Variants in BRIP1 observed in about 807,000 individuals in gnomAD.
The protein encoded by BRIP1 is BRCA1 interacting DNA helicase 1, also known as Fanconi anemia group J protein.
BRIP1 carries 88 observed loss-of-function variants against 119.7 expected under a neutral mutation model. That is an observed-to-expected ratio of 0.74 (90% CI 0.62 to 0.88). BRIP1 has a LOEUF of 0.88. BRIP1 is among the 40% of genes least tolerant of loss of function. The pLI, the probability that BRIP1 is intolerant of heterozygous loss-of-function variation, is 0.00. For synonymous variants in BRIP1, 443 were observed against 496.5 expected (o/e 0.89, Z 1.43); for missense variants, 1,259 against 1,455.4 (o/e 0.87, Z 2.20).
intron 8 of BRIP1, among the ~76,000 whole-genome samples, chr17:61,800,426 GA>G (rs1352786982): frequency 6.6e-6 from 1 of 152,108 alleles, no homozygotes; most frequent in Non-Finnish European, 1.5e-5. Flanking sequence ...CAAAAGCAAA[GA>G]TAGAGTAAAG....
In BRIP1 at chr17:61,756,243, T is replaced by C. The variant is rs2077199112; in HGVS notation, c.2098-11652A>G. Among the ~76,000 whole-genome samples, 1 of 152,118 alleles carries C rather than the reference T, an allele frequency of 6.6e-6. No individual in the cohort carries two copies. Among genetic ancestry groups the C allele is most frequent in the African/African-American group, 2.4e-5 (1 of 41,426 alleles). ...AACTATTTCTGTCTTGCCAGAGAAATCACATAAATAAACACAAAAATAACT... is the reference window on the plus strand; with the variant it reads ...AACTATTTCTGTCTTGCCAGAGAAACCACATAAATAAACACAAAAATAACT... On this transcript the variant is annotated intron_variant, in intron 14 of 19. Transcript: ENST00000259008. This position sits in a 1 kb window ranked among gnomAD's most constrained non-coding sequence, Gnocchi z 4.3.
rs1206069873 is a variant in BRIP1, at chr17:61,798,338, CA to C, written c.1340+761del. On this transcript the variant is annotated intron_variant, in intron 9 of 19. Transcript: ENST00000259008. This position sits in a 1 kb window ranked among gnomAD's most constrained non-coding sequence, Gnocchi z 5.5. ...CCATCATTTGGAAAATAGTGAGGGA[CA>C]AGAAAATATATCTAATATTGGTTCA... Among the ~76,000 whole-genome samples, 1 of 151,590 alleles carries C rather than the reference CA, an allele frequency of 6.6e-6. No individual in the cohort carries two copies. The highest frequency in any genetic ancestry group is 1.5e-5 in the Non-Finnish European group (1 of 67,834).
intron 6 of BRIP1, among the ~76,000 whole-genome samples, chr17:61,826,266 A>C (rs925194342): frequency 5.3e-5 from 8 of 152,204 alleles, no homozygotes; most frequent in African/African-American, 1.9e-4. Flanking sequence ...TAAAGACTTA[A>C]ATGTAAAACA....
At chr17:61,702,962 AG>A (rs2061636894) in intron 17 of BRIP1, among the ~76,000 whole-genome samples, 1 of 143,006 alleles carries the variant, frequency 7.0e-6, no homozygotes, top group South Asian at 2.2e-4. Flanking sequence ...TAACCTTGCG[AG>A]CATCTGTTCT....
chr17:61,786,992 TTA>T (rs1476206593), intron 10 of BRIP1, among the ~76,000 whole-genome samples: 2 of 116,334 alleles, frequency 1.7e-5, no homozygotes, highest in Non-Finnish European at 3.2e-5. Context: ...TTATATAAAT[TTA>T]TAAATAATTT....
chr17:61,715,113 T>G (rs1182415412), intron 17 of BRIP1, among the ~76,000 whole-genome samples: 1 of 151,594 alleles, frequency 6.6e-6, no homozygotes, highest in Admixed American at 6.6e-5. Context: ...GGCAGGAGAA[T>G]TGCTTGAACC....
At position 61,861,652 on chromosome 17, in the gene BRIP1, A is replaced by G; in HGVS notation, c.-30-83T>C. The G allele has an allele frequency of 1.3e-6, 1 of 752,764 alleles. No homozygotes were observed. The highest frequency in any genetic ancestry group is 1.5e-5 in the South Asian group (1 of 66,670). The allele number at this position is 752,764 out of a possible 1,614,324, so 46.6% of individuals were successfully genotyped here. A position where few individuals can be genotyped will look rare whatever the true frequency, so the allele number is the denominator to read the frequency against. On this transcript the variant is annotated intron_variant, in intron 1 of 19. Coordinates refer to ENST00000259008, the MANE Select transcript of BRIP1 (RefSeq NM_032043.3). The surrounding 1 kb of genome is among the most constrained non-coding windows in gnomAD (Gnocchi z 4.5). ...AACCAAAACTAAGGGAGAAATCTGG[A>G]AACAGAAACTGGAATTAATAAAAGT...
chr17:61,777,483 CT>C (rs773353898), intron 13 of BRIP1, among the ~76,000 whole-genome samples: 3 of 152,106 alleles, frequency 2.0e-5, no homozygotes, highest in Non-Finnish European at 4.4e-5. Context: ...AAGACTGCCC[CT>C]GATTTCTGTG....
intron 8 of BRIP1, 125 bp downstream of exon 8, chr17:61,801,123 CTAATA>C (rs1603343005): frequency 1.2e-6 from 1 of 816,260 alleles, no homozygotes; most frequent in Admixed American, 2.3e-5. Context: ...TTTCAGTACT[CTAATA>C]TGTTTACACA....
intron 14 of BRIP1, among the ~76,000 whole-genome samples, chr17:61,766,347 T>G (rs1044839178): frequency 2.6e-5 from 4 of 152,160 alleles, no homozygotes. Flanking sequence ...GAACTACATC[T>G]AACCTGAGAG....
chr17:61,781,116 C>T (rs927663317), intron 11 of BRIP1, 111 bp from the exon 12 acceptor site: 3 of 948,474 alleles, frequency 3.2e-6, no homozygotes, highest in Non-Finnish European at 3.2e-6. Context: ...GAGCTGGTAC[C>T]TTCCCATTCA....
Position 61,843,338 on chromosome 17 carries a change from T to C in BRIP1, c.627+3763A>G, listed in dbSNP as rs1293746088. 6.6e-6 allele frequency among the ~76,000 whole-genome samples: 1 copy of C among 152,260 alleles called. No homozygotes were observed. The highest frequency in any genetic ancestry group is 1.9e-4 in the East Asian group (1 of 5,182). ...ATAATACTATATTCTAGGCTGGATA[T>C]TTCGATATTGGCTTTAAAATTTTCA... On this transcript the variant is annotated intron_variant, in intron 6 of 19. Coordinates refer to ENST00000259008, the MANE Select transcript of BRIP1 (RefSeq NM_032043.3). The surrounding 1 kb of genome is among the most constrained non-coding windows in gnomAD (Gnocchi z 5.7).
rs1452882148 is a variant in BRIP1, at chr17:61,717,959, TAG to T, written c.2380-1898_2380-1897del. Among the ~76,000 whole-genome samples the T allele has an allele frequency of 5.3e-5, 8 of 152,288 alleles. No homozygotes were observed. The highest frequency in any genetic ancestry group is 7.4e-5 in the Non-Finnish European group (5 of 68,010). The stretch of plus-strand genomic sequence containing the variant: ...CATCCAGTGTATTTTTTGTTTCATA[TAG>T]AGAGATTTCACATAGGTATTTAAAA... On this transcript the variant is annotated intron_variant, in intron 16 of 19. Transcript: ENST00000259008. The surrounding 1 kb of genome is among the most constrained non-coding windows in gnomAD (Gnocchi z 4.1).
At position 61,736,769 on chromosome 17, in the gene BRIP1, T is replaced by C. The variant is rs1354790519; in HGVS notation, c.2379+6244A>G. Among the ~76,000 whole-genome samples, 1 of 152,184 alleles carries C rather than the reference T, an allele frequency of 6.6e-6. No homozygotes were observed. Among genetic ancestry groups the C allele is most frequent in the Non-Finnish European group, 1.5e-5 (1 of 68,010 alleles). On this transcript the variant is annotated intron_variant, in intron 16 of 19. Transcript: ENST00000259008. This position sits in a 1 kb window ranked among gnomAD's most constrained non-coding sequence, Gnocchi z 4.4. Reference sequence around the variant, plus strand: ...AGACACAAAGATGCTGAAGAAATTATCCCTATCCTCAAGGTACACCATGAA... The same window carrying C: ...AGACACAAAGATGCTGAAGAAATTACCCCTATCCTCAAGGTACACCATGAA...
rs2077604397 is a variant in BRIP1 at position 61,780,749 on chromosome 17, C to A, written c.1794+91G>T. ...CTCAAAACAACAACAACAACAACAACAAACAACTATCTTTAAAAGAGTCAA... is the reference window on the plus strand; with the variant it reads ...CTCAAAACAACAACAACAACAACAAAAAACAACTATCTTTAAAAGAGTCAA... On this transcript the variant is annotated intron_variant, in intron 12 of 19. Transcript: ENST00000259008. This position sits in a 1 kb window ranked among gnomAD's most constrained non-coding sequence, Gnocchi z 5.4. 1.4e-6 allele frequency: 2 copies of A among 1,440,454 alleles called. No individual in the cohort carries two copies. The highest frequency in any genetic ancestry group is 2.0e-6 in the Non-Finnish European group (2 of 1,025,580). The allele number at this position is 1,440,454 out of a possible 1,614,324, so 89.2% of individuals were successfully genotyped here.
rs1241111980 is a variant in BRIP1, at chr17:61,828,417, G to C, written c.627+18684C>G. 6.6e-6 allele frequency among the ~76,000 whole-genome samples: 1 copy of C among 152,108 alleles called. No homozygotes were observed. Among genetic ancestry groups the C allele is most frequent in the Non-Finnish European group, 1.5e-5 (1 of 68,036 alleles). On this transcript the variant is annotated intron_variant, in intron 6 of 19. Transcript: ENST00000259008. The surrounding 1 kb of genome is among the most constrained non-coding windows in gnomAD (Gnocchi z 4.1). ...TGGGGCTGGACAATAGGGAAATACA[G>C]AGATATTGTTTCATGGGTATGGTGT...
chr17:61,709,916 C>T lies in BRIP1; in HGVS notation c.2492+6035G>A, dbSNP rs1382366542. ...AACATTAAAAGGAATCCATTGGTTTCTGCTTACTTTAGATCTTCTGTATCC... is the reference window on the plus strand; with the variant it reads ...AACATTAAAAGGAATCCATTGGTTTTTGCTTACTTTAGATCTTCTGTATCC... On this transcript the variant is annotated intron_variant, in intron 17 of 19. Transcript: ENST00000259008. This position sits in a 1 kb window ranked among gnomAD's most constrained non-coding sequence, Gnocchi z 5.0. Among the ~76,000 whole-genome samples, 1 of 152,168 alleles carries T rather than the reference C, an allele frequency of 6.6e-6. No individual in the cohort carries two copies. The highest frequency in any genetic ancestry group is 2.4e-5 in the African/African-American group (1 of 41,448).
intron 4 of BRIP1, among the ~76,000 whole-genome samples, chr17:61,850,027 T>TCC (rs2145773947): frequency 6.6e-6 from 1 of 152,232 alleles, no homozygotes; most frequent in African/African-American, 2.4e-5. Flanking sequence ...AAAGGTACCC[T>TCC]CCTTCCTCTT....
At chr17:61,719,849 G>C (rs2144443886) in intron 16 of BRIP1, among the ~76,000 whole-genome samples, 1 of 152,150 alleles carries the variant, frequency 6.6e-6, no homozygotes, top group African/African-American at 2.4e-5. Context: ...TTTTTTGAGA[G>C]ACAGGGCCTC....
Sources: gnomAD v4.1 joint callset for allele counts (sites outside exome capture counted in the v4.1 genomes callset) on GRCh38, gnomAD v4.1.1 for gene constraint, Gnocchi (gnomAD v3.1) non-coding constraint, MANE v1.5 for transcripts, NCBI Gene and HGNC (gene_info 2026-07-23, HGNC 2026-07-21) for gene names.